Variants in GPATCH2L observed in about 807,000 individuals in gnomAD.
GPATCH2L encodes G-patch domain containing 2 like, also known as G patch domain-containing protein 2-like.
A neutral mutation model predicts 57.4 loss-of-function variants in GPATCH2L; 31 were observed. That is an observed-to-expected ratio of 0.54 (90% CI 0.41 to 0.73). The LOEUF (loss-of-function observed/expected upper bound fraction) is 0.73. Among genes scored for constraint, GPATCH2L ranks in the 30% least tolerant of loss-of-function variants. The probability of loss-of-function intolerance (pLI) is 0.00; values close to 1 mark genes in which losing one functional copy is unlikely to be tolerated. For missense variants in GPATCH2L, 481 were observed against 599.9 expected (o/e 0.80, Z 2.07); for synonymous variants, 199 against 210.7 (o/e 0.94, Z 0.48).
intron 1 of GPATCH2L, among the ~76,000 whole-genome samples, chr14:76,221,402 A>G (rs972770715): frequency 1.3e-5 from 2 of 152,248 alleles, no homozygotes; most frequent in Non-Finnish European, 2.9e-5. Flanking sequence ...GCTAATGGGC[A>G]TGAAAAATGG....
intron 2 of GPATCH2L, among the ~76,000 whole-genome samples, chr14:76,231,138 C>T (rs1216695890): frequency 1.3e-5 from 2 of 152,204 alleles, no homozygotes; most frequent in Admixed American, 6.5e-5. Flanking sequence ...CTGCCAATAA[C>T]AGAAGCCCGT....
At chr14:76,172,216 A>C (rs1340508632) in intron 4 of GPATCH2L, among the ~76,000 whole-genome samples, 197 bp downstream of exon 4, 1 of 152,228 alleles carries the variant, frequency 6.6e-6, no homozygotes, top group Non-Finnish European at 1.5e-5. Flanking sequence ...AAACTAATCC[A>C]TGGAAACTCC....
At chr14:76,196,113 A>C in intron 9 of GPATCH2L, 141 bp downstream of exon 9, 1 of 742,850 alleles carries the variant, frequency 1.3e-6, no homozygotes, top group Non-Finnish European at 2.4e-6. Context: ...CTGAGACTAC[A>C]AGAAATAATT....
In GPATCH2L at chr14:76,206,542, G is replaced by A. The variant is rs2040377921; in HGVS notation, c.*4691G>A. 2 of 152,206 alleles carry A rather than the reference G, an allele frequency of 1.3e-5. No individual in the cohort carries two copies. Among genetic ancestry groups the A allele is most frequent in the Non-Finnish European group, 2.9e-5 (2 of 68,048 alleles). 9.4% of individuals were successfully genotyped at this position (152,206 alleles called of 1,614,324 possible). ...TTAAAGTACAGTGTTGAAGAATGGG[G>A]CATGTCATGAAGACATTCAGCAAAG... On this transcript the variant is annotated 3_prime_UTR_variant, in exon 10 of 10. Coordinates refer to ENST00000261530, the MANE Select transcript of GPATCH2L (RefSeq NM_017926.4).
At chr14:76,199,559 A>G (rs1042309250) in intron 9 of GPATCH2L, among the ~76,000 whole-genome samples, 2 of 152,162 alleles carry the variant, frequency 1.3e-5, no homozygotes, top group Non-Finnish European at 2.9e-5. Context: ...GTTTTATGCT[A>G]TTATGGAAAA....
At chr14:76,191,726 GATCAA>G (rs1375482945) in intron 8 of GPATCH2L, among the ~76,000 whole-genome samples, 2 of 152,040 alleles carry the variant, frequency 1.3e-5, no homozygotes, top group African/African-American at 4.8e-5. Flanking sequence ...ATACAATAGT[GATCAA>G]ATCAGGGTCA....
At chr14:76,193,673 CTCT>C (rs1481705390) in intron 8 of GPATCH2L, among the ~76,000 whole-genome samples, 1 of 152,164 alleles carries the variant, frequency 6.6e-6, no homozygotes, top group East Asian at 1.9e-4. Flanking sequence ...CTCCCTGTGC[CTCT>C]TTCTCTGCCT....
intron 7 of GPATCH2L, 104 bp downstream of exon 7, chr14:76,178,146 T>C: frequency 7.8e-7 from 1 of 1,275,206 alleles, no homozygotes; most frequent in Non-Finnish European, 1.1e-6. Context: ...TCTTTGTAGG[T>C]TCAACTGTGA....
rs1308409254 is a variant in GPATCH2L, at chr14:76,204,003, C to A, written c.*2152C>A. 3 of 152,086 alleles carry A rather than the reference C, an allele frequency of 2.0e-5. No individual in the cohort carries two copies. Among genetic ancestry groups the A allele is most frequent in the Middle Eastern group, 3.2e-3 (1 of 316 alleles). 9.4% of individuals were successfully genotyped at this position (152,086 alleles called of 1,614,324 possible). ...GTTTCCTAATAGTCTGCCTTTCTAC[C>A]TATGATTAAAAATAATTTTTATATA... On this transcript the variant is annotated 3_prime_UTR_variant, in exon 10 of 10. Transcript: ENST00000261530.
chr14:76,172,861 C>G (rs2039149055), intron 4 of GPATCH2L, among the ~76,000 whole-genome samples: 1 of 152,132 alleles, frequency 6.6e-6, no homozygotes, highest in Admixed American at 6.5e-5. Context: ...GAATTTTTGT[C>G]ATGGCGAACC....
rs111735724 is a variant in GPATCH2L, at chr14:76,192,522, G to A, written c.1194-3356G>A. Among the ~76,000 whole-genome samples the A allele has an allele frequency of 3.5e-3, 531 of 152,148 alleles. 5 individuals are homozygous for A. Among genetic ancestry groups the A allele is most frequent in the African/African-American group, 0.012 (490 of 41,520 alleles). ...ATCATTTAAACTGAGTTTTAAAAAC[G>A]AACATACCTTCTCTTCATTGATACC... On this transcript the variant is annotated intron_variant, in intron 8 of 9. Coordinates refer to ENST00000261530, the MANE Select transcript of GPATCH2L (RefSeq NM_017926.4).
Position 76,154,516 on chromosome 14 carries a change from C to T in GPATCH2L, c.153C>T (p.Phe51=), listed in dbSNP as rs2139532396. Residue 51 remains phenylalanine, a synonymous_variant, in exon 2 of 10, where the codon TTC becomes TTT. Coordinates refer to ENST00000261530, the MANE Select transcript of GPATCH2L (RefSeq NM_017926.4). This position sits in a 1 kb window ranked among gnomAD's most constrained non-coding sequence, Gnocchi z 4.4. The part of the protein sequence containing the change: ...KRRGRKRRSD[F]THLAEHTCCY... The stretch of plus-strand genomic sequence containing the variant: ...GAGGTCGGAAGCGTCGTTCTGACTT[C>T]ACTCACCTGGCAGAGCATACCTGCT... The T allele has an allele frequency of 6.2e-7, 1 of 1,614,194 alleles. No homozygotes were observed. The highest frequency in any genetic ancestry group is 2.2e-5 in the East Asian group (1 of 44,884).
chr14:76,228,258 A>G (rs2040544656), intron 1 of GPATCH2L, among the ~76,000 whole-genome samples: 1 of 152,224 alleles, frequency 6.6e-6, no homozygotes, highest in Non-Finnish European at 1.5e-5. Flanking sequence ...TTTCTGTTAC[A>G]TACAAGATTC....
chr14:76,175,400 G>C (rs2039280754), intron 5 of GPATCH2L: 2 of 126,016 alleles, frequency 1.6e-5, no homozygotes, highest in South Asian at 2.4e-4. Flanking sequence ...TCTCTCTTCT[G>C]CTTTTCTAAA....
At chr14:76,170,163 C>G (rs2039020877) in intron 3 of GPATCH2L, among the ~76,000 whole-genome samples, 1 of 147,798 alleles carries the variant, frequency 6.8e-6, no homozygotes, top group Admixed American at 6.7e-5. Flanking sequence ...GTTTTCATTG[C>G]CCATTTTGGA....
rs1319742986 is a variant in GPATCH2L at position 76,208,186 on chromosome 14, C to T, written c.*6335C>T. On this transcript the variant is annotated 3_prime_UTR_variant, in exon 10 of 10. Coordinates refer to ENST00000261530, the MANE Select transcript of GPATCH2L (RefSeq NM_017926.4). ...TTATATAAGTTAATGTTTTCTTTCCCTAAAAGTTCTGACCCTTGCTGACCC... is the reference window on the plus strand; with the variant it reads ...TTATATAAGTTAATGTTTTCTTTCCTTAAAAGTTCTGACCCTTGCTGACCC... 6.6e-6 allele frequency: 1 copy of T among 152,124 alleles called. No individual in the cohort carries two copies. 9.4% of individuals were successfully genotyped at this position (152,124 alleles called of 1,614,324 possible). A position where few individuals can be genotyped will look rare whatever the true frequency, so the allele number is the denominator to read the frequency against.
At position 76,201,989 on chromosome 14, in the gene GPATCH2L, G is replaced by A; in HGVS notation, c.*138G>A. 1 of 626,414 alleles carries A rather than the reference G, an allele frequency of 1.6e-6. No individual in the cohort carries two copies. Among genetic ancestry groups the A allele is most frequent in the Non-Finnish European group, 2.7e-6 (1 of 369,064 alleles). 38.8% of individuals were successfully genotyped at this position (626,414 alleles called of 1,614,324 possible). A position where few individuals can be genotyped will look rare whatever the true frequency, so the allele number is the denominator to read the frequency against. ...AGAACCAACTCCTCTTTCAAACACA[G>A]CAGTGGATTCTTTCTCTCAGAAGAT... On this transcript the variant is annotated 3_prime_UTR_variant, in exon 10 of 10. Transcript: ENST00000261530.
intron 5 of GPATCH2L, 81 bp downstream of exon 5, chr14:76,173,706 G>C (rs1269138600): frequency 2.2e-6 from 2 of 908,104 alleles, no homozygotes; most frequent in Non-Finnish European, 3.7e-6. Context: ...AACAATCAGA[G>C]GTGCTACAGA....
intron 2 of GPATCH2L, among the ~76,000 whole-genome samples, chr14:76,159,252 TG>T (rs1298194584): frequency 6.6e-6 from 1 of 152,218 alleles, no homozygotes; most frequent in African/African-American, 2.4e-5. Flanking sequence ...ATGTCTTAAC[TG>T]GTAAGTAGCC....
Sources: allele counts gnomAD v4.1 joint callset (sites outside exome capture counted in the v4.1 genomes callset), GRCh38; gene constraint gnomAD v4.1.1; non-coding constraint Gnocchi (gnomAD v3.1); transcripts MANE v1.5; gene names NCBI Gene and HGNC (gene_info 2026-07-23, HGNC 2026-07-21).